The following FGF14 variants were observed in gnomAD, a reference collection of about 807,000 sequenced individuals.
The protein encoded by FGF14 is fibroblast growth factor homologous factor 4.
A neutral mutation model predicts 25.5 loss-of-function variants in FGF14; 5 were observed. The observed-to-expected ratio is 0.20, with a 90% CI of 0.10 to 0.41. The LOEUF (loss-of-function observed/expected upper bound fraction) is 0.41, where lower values mean the gene tolerates loss of function less well. Among genes scored for constraint, FGF14 ranks in the 10% least tolerant of loss-of-function variants. The pLI is 1.00. For missense variants in FGF14, 222 were observed against 320.1 expected, an observed-to-expected ratio of 0.69 and a Z score of 2.34; for synonymous variants, 138 against 118.3, an observed-to-expected ratio of 1.17 and a Z score of -1.08.
At chr13:102,056,817 A>T (rs1388644454) in intron 1 of FGF14, among the ~76,000 whole-genome samples, 1 of 149,342 alleles carries the variant, frequency 6.7e-6, no homozygotes, top group Non-Finnish European at 1.5e-5. Context: ...ATATATATTT[A>T]TATAAAATAT....
intron 1 of FGF14, among the ~76,000 whole-genome samples, chr13:102,014,728 A>G (rs758572728): frequency 4.6e-5 from 7 of 152,188 alleles, no homozygotes; most frequent in Admixed American, 3.3e-4. Context: ...TGATTATTTC[A>G]TAATACAGAA....
At chr13:101,911,100 T>C (rs1020776240) in intron 1 of FGF14, among the ~76,000 whole-genome samples, 1 of 151,946 alleles carries the variant, frequency 6.6e-6, no homozygotes, top group African/African-American at 2.4e-5. Flanking sequence ...TTTAAAAAAA[T>C]TTAAATAAAT....
chr13:102,336,833 T>C (rs1215779512), intron 1 of FGF14, among the ~76,000 whole-genome samples: 3 of 152,168 alleles, frequency 2.0e-5, no homozygotes, highest in African/African-American at 7.2e-5. Flanking sequence ...CTGTCCTCTA[T>C]AAATAGAACA....
chr13:102,355,125 C>T (rs1253958104), intron 1 of FGF14, among the ~76,000 whole-genome samples: 1 of 152,122 alleles, frequency 6.6e-6, no homozygotes, highest in Non-Finnish European at 1.5e-5. Context: ...AAAAGGTACC[C>T]AATGAATGTT....
At chr13:102,324,701 A>G (rs944001827) in intron 1 of FGF14, among the ~76,000 whole-genome samples, 6 of 152,186 alleles carry the variant, frequency 3.9e-5, no homozygotes, top group African/African-American at 9.6e-5. Flanking sequence ...AACTGTTATT[A>G]ACTTTGTTTT....
upstream of FGF14, among the ~76,000 whole-genome samples, chr13:101,917,289 C>G (rs1265582923): frequency 2.0e-5 from 3 of 152,088 alleles, no homozygotes; most frequent in Admixed American, 2.0e-4. Flanking sequence ...TCCGTTCCCA[C>G]CCCACTACAC....
chr13:102,340,885 A>G (rs565861168), intron 1 of FGF14, among the ~76,000 whole-genome samples: 60 of 152,344 alleles, frequency 3.9e-4, no homozygotes, highest in African/African-American at 1.4e-3. Flanking sequence ...CTCAATCAAG[A>G]AGGATTTGCT....
chr13:102,327,919 TAAAA>T (rs1566940010), intron 1 of FGF14, among the ~76,000 whole-genome samples: 16 of 120,268 alleles, frequency 1.3e-4, no homozygotes, highest in Non-Finnish European at 2.8e-4. Flanking sequence ...TAAAAATAAA[TAAAA>T]AATAAATAAA....
intron 1 of FGF14, among the ~76,000 whole-genome samples, chr13:102,023,392 A>T (rs1322172525): frequency 6.6e-6 from 1 of 152,042 alleles, no homozygotes; most frequent in Non-Finnish European, 1.5e-5. Flanking sequence ...ATCTCATGGT[A>T]TAGAGCTCTT....
intron 1 of FGF14, among the ~76,000 whole-genome samples, chr13:102,272,733 C>T (rs1465858834): frequency 6.6e-6 from 1 of 151,806 alleles, no homozygotes; most frequent in African/African-American, 2.4e-5. Context: ...AATAACTAGC[C>T]CAAGATCGTA....
intron 3 of FGF14, among the ~76,000 whole-genome samples, chr13:101,851,953 T>G (rs1269563414): frequency 1.3e-5 from 2 of 152,062 alleles, no homozygotes; most frequent in Non-Finnish European, 2.9e-5. Context: ...TCACACAGCT[T>G]GTAGGTGGTG....
intron 1 of FGF14, among the ~76,000 whole-genome samples, chr13:102,027,913 C>T (rs921191602): frequency 6.6e-6 from 1 of 151,896 alleles, no homozygotes; most frequent in Non-Finnish European, 1.5e-5. Context: ...TCTTAGGGAG[C>T]CTTTTTATTA....
intron 1 of FGF14, among the ~76,000 whole-genome samples, chr13:102,125,173 C>T (rs567797477): frequency 6.6e-6 from 1 of 152,150 alleles, no homozygotes; most frequent in East Asian, 1.9e-4. Context: ...TCAACTTTTC[C>T]CATATTGCAT....
intron 2 of FGF14, among the ~76,000 whole-genome samples, chr13:101,869,383 C>G (rs1291485453): frequency 1.3e-5 from 2 of 152,198 alleles, no homozygotes; most frequent in Non-Finnish European, 2.9e-5. Context: ...AACTGAATGG[C>G]ATGCAAATGT....
chr13:101,765,504 T>G (rs963723995), intron 3 of FGF14, among the ~76,000 whole-genome samples: 2 of 152,130 alleles, frequency 1.3e-5, no homozygotes, highest in African/African-American at 2.4e-5. Context: ...ATGGCCTCCA[T>G]GGAGGCAAGC....
chr13:101,924,361 C>T (rs185014889), intron 1 of FGF14, among the ~76,000 whole-genome samples: 1 of 152,070 alleles, frequency 6.6e-6, no homozygotes, highest in Admixed American at 6.5e-5. Flanking sequence ...TAAACTTGTA[C>T]ATCTGCACAC....
At chr13:102,343,908 G>A (rs544539598) in intron 1 of FGF14, among the ~76,000 whole-genome samples, 1 of 152,224 alleles carries the variant, frequency 6.6e-6, no homozygotes, top group African/African-American at 2.4e-5. Flanking sequence ...ATACAACATA[G>A]TTAAGCTTTT....
At chr13:101,860,319 C>A (rs773547940) in intron 3 of FGF14, among the ~76,000 whole-genome samples, 1 of 151,976 alleles carries the variant, frequency 6.6e-6, no homozygotes, top group Non-Finnish European at 1.5e-5. Context: ...TGACCACAAC[C>A]AGAAGTTTTC....
At chr13:102,114,944 C>T (rs2045398955) in intron 1 of FGF14, among the ~76,000 whole-genome samples, 1 of 152,086 alleles carries the variant, frequency 6.6e-6, no homozygotes, top group African/African-American at 2.4e-5. Context: ...ATTGAACACT[C>T]ACAAATTAGT....
Sources: allele counts gnomAD v4.1 joint callset (sites outside exome capture counted in the v4.1 genomes callset), GRCh38; gene constraint gnomAD v4.1.1; transcripts MANE v1.5; gene names NCBI Gene and HGNC (gene_info 2026-07-23, HGNC 2026-07-21).